Variants in SPON1 observed in about 807,000 individuals in gnomAD.
SPON1 encodes the protein spondin 1, also known as spondin-1.
SPON1 carries 52 observed loss-of-function variants against 111.7 expected under a neutral mutation model. The observed-to-expected ratio is 0.47, with a 90% CI of 0.37 to 0.59. SPON1 has a LOEUF of 0.59. SPON1 is among the 20% of genes least tolerant of loss of function. The probability of loss-of-function intolerance (pLI) is 0.00; values close to 1 mark genes in which losing one functional copy is unlikely to be tolerated. For missense variants in SPON1, 957 were observed against 1,068.5 expected, an observed-to-expected ratio of 0.90 and a Z score of 1.46; for synonymous variants, 410 against 395.8, an observed-to-expected ratio of 1.04 and a Z score of -0.43.
chr11:14,138,038 T>C (rs1477882667), intron 6 of SPON1, among the ~76,000 whole-genome samples: 5 of 152,220 alleles, frequency 3.3e-5, no homozygotes, highest in African/African-American at 1.2e-4. Context: ...AATACAAAAG[T>C]GTCCTCTGAA....
chr11:14,034,467 A>G (rs1554916404), intron 2 of SPON1, among the ~76,000 whole-genome samples: 1 of 152,224 alleles, frequency 6.6e-6, no homozygotes, highest in Non-Finnish European at 1.5e-5. Flanking sequence ...GAAGAAGCTG[A>G]TATTTTCTGA....
intron 6 of SPON1, among the ~76,000 whole-genome samples, chr11:14,197,730 C>T (rs1176755555): frequency 3.3e-5 from 5 of 151,800 alleles, no homozygotes; most frequent in Admixed American, 6.6e-5. Flanking sequence ...GCAGGAGAAT[C>T]GCTTGAACCT....
At chr11:14,165,322 T>C (rs1357916716) in intron 6 of SPON1, among the ~76,000 whole-genome samples, 2 of 152,090 alleles carry the variant, frequency 1.3e-5, no homozygotes, top group African/African-American at 4.8e-5. Context: ...TCTTAAGGTG[T>C]AGGCTATGAG....
At chr11:14,105,331 CTT>C (rs1849176469) in intron 5 of SPON1, among the ~76,000 whole-genome samples, 2 of 152,204 alleles carry the variant, frequency 1.3e-5, no homozygotes, top group South Asian at 4.1e-4. Context: ...TTTTATATCT[CTT>C]TTCATGCTCT....
chr11:14,265,374 C>T (rs1849252883), intron 15 of SPON1, 150 bp from the exon 16 acceptor site: 1 of 891,926 alleles, frequency 1.1e-6, no homozygotes, highest in South Asian at 2.1e-5. Flanking sequence ...CACATACGAC[C>T]TAACTGTCCC....
rs1159116466 is a variant in SPON1 at position 14,266,385 on chromosome 11, A to AGAT, written c.*699_*701dup. On this transcript the variant is annotated 3_prime_UTR_variant, in exon 16 of 16. Transcript: ENST00000576479. ...ATAAGGTAGCTAGTTTTTACACCTG[A>AGAT]GATAAATAATAAGCTTAGAGTGTAT... is the stretch of plus-strand genomic sequence containing the variant. 2.0e-5 allele frequency: 3 copies of AGAT among 152,222 alleles called. No homozygotes were observed. The highest frequency in any genetic ancestry group is 2.0e-4 in the Admixed American group (3 of 15,304). 9.4% of individuals were successfully genotyped at this position (152,222 alleles called of 1,614,324 possible).
chr11:14,151,966 T>C (rs531880228), intron 6 of SPON1, among the ~76,000 whole-genome samples: 2 of 152,298 alleles, frequency 1.3e-5, no homozygotes, highest in Admixed American at 1.3e-4. Context: ...CTTGCCAGAA[T>C]ACCTTTCCAA....
intron 2 of SPON1, among the ~76,000 whole-genome samples, chr11:14,018,293 A>G (rs10832160): frequency 0.31 from 47,379 of 152,116 alleles, 8,270 homozygotes; most frequent in South Asian, 0.51. Context: ...AAATGGAAAT[A>G]GGATCTACTC....
chr11:14,018,804 G>T (rs782239603), intron 2 of SPON1, among the ~76,000 whole-genome samples: 8 of 152,178 alleles, frequency 5.3e-5, no homozygotes, highest in Admixed American at 2.0e-4. Context: ...TACAACAAGA[G>T]CCAGTAGACC....
At chr11:14,079,837 G>C in intron 4 of SPON1, 62 bp from the exon 5 acceptor site, 1 of 1,589,440 alleles carries the variant, frequency 6.3e-7, no homozygotes, top group East Asian at 2.2e-5. Flanking sequence ...GACCATGATA[G>C]CACCACCTTA....
intron 6 of SPON1, among the ~76,000 whole-genome samples, chr11:14,170,474 G>A (rs1477721903): frequency 6.6e-6 from 1 of 152,190 alleles, no homozygotes; most frequent in Non-Finnish European, 1.5e-5. Flanking sequence ...TTTCCTAATT[G>A]AATGCCTTTT....
chr11:14,116,601 A>G (rs1273040474), intron 5 of SPON1, among the ~76,000 whole-genome samples: 1 of 152,154 alleles, frequency 6.6e-6, no homozygotes, highest in African/African-American at 2.4e-5. Context: ...CTGCCCTGCA[A>G]ATAATACACT....
chr11:14,190,760 T>C (rs1272064028), intron 6 of SPON1, among the ~76,000 whole-genome samples: 1 of 151,414 alleles, frequency 6.6e-6, no homozygotes, highest in African/African-American at 2.4e-5. Flanking sequence ...CCTGCCTCAG[T>C]GCCCCGAGTA....
At chr11:14,243,268 C>G (rs994333626) in intron 6 of SPON1, 64 bp from the exon 7 acceptor site, 1 of 1,477,732 alleles carries the variant, frequency 6.8e-7, no homozygotes, top group Admixed American at 2.0e-5. Flanking sequence ...GTCACCAGGT[C>G]AAAGCCCTAT....
intron 3 of SPON1, among the ~76,000 whole-genome samples, chr11:14,073,372 A>G (rs1483668189): frequency 6.6e-6 from 1 of 152,176 alleles, no homozygotes; most frequent in Non-Finnish European, 1.5e-5. Flanking sequence ...CTGTAGTGTC[A>G]TGTCAGCACC....
chr11:14,121,546 G>A (rs1554926510), intron 5 of SPON1, among the ~76,000 whole-genome samples: 2 of 152,086 alleles, frequency 1.3e-5, no homozygotes, highest in African/African-American at 4.8e-5. Context: ...GGCAAAAGAT[G>A]GGCTTTTGTG....
intron 6 of SPON1, among the ~76,000 whole-genome samples, chr11:14,192,015 A>G (rs1457388239): frequency 6.6e-6 from 1 of 152,154 alleles, no homozygotes. Flanking sequence ...TGATCAACCA[A>G]AAGAACAAAA....
At chr11:14,025,816 C>A (rs1432697045) in intron 2 of SPON1, among the ~76,000 whole-genome samples, 2 of 152,112 alleles carry the variant, frequency 1.3e-5, no homozygotes, top group African/African-American at 4.8e-5. Context: ...CCAGAGCCCC[C>A]AGAGGTTGCT....
chr11:14,194,276 T>C (rs1291617578), intron 6 of SPON1, among the ~76,000 whole-genome samples: 1 of 152,230 alleles, frequency 6.6e-6, no homozygotes, highest in Admixed American at 6.5e-5. Flanking sequence ...CCTCTTCCTC[T>C]GAGTCCTTAC....
Sources: gnomAD v4.1 joint callset for allele counts (sites outside exome capture counted in the v4.1 genomes callset) on GRCh38, gnomAD v4.1.1 for gene constraint, MANE v1.5 for transcripts, NCBI Gene and HGNC (gene_info 2026-07-23, HGNC 2026-07-21) for gene names.